Variants in ADAM10 observed in about 807,000 individuals in gnomAD.
ADAM10 encodes disintegrin and metalloproteinase domain-containing protein 10.
ADAM10 carries 17 observed loss-of-function variants against 90.1 expected under a neutral mutation model. The ratio of observed to expected loss-of-function variants is 0.19; its 90% CI spans 0.13 to 0.28. The LOEUF (loss-of-function observed/expected upper bound fraction) is 0.28. ADAM10 is among the 10% of genes least tolerant of loss of function. The probability of loss-of-function intolerance (pLI) is 1.00; values close to 1 mark genes in which losing one functional copy is unlikely to be tolerated. For synonymous variants in ADAM10, 310 were observed against 298.6 expected (o/e 1.04, Z -0.40); for missense variants, 610 against 914.3 (o/e 0.67, Z 4.29).
chr15:58,713,230 T>C (rs1469766989), intron 2 of ADAM10, among the ~76,000 whole-genome samples: 6 of 151,964 alleles, frequency 3.9e-5, no homozygotes, highest in Non-Finnish European at 8.8e-5. Context: ...GCCTCCCAAG[T>C]AGCTGGGACT....
At chr15:58,705,946 A>G (rs1467586015) in intron 2 of ADAM10, among the ~76,000 whole-genome samples, 1 of 152,168 alleles carries the variant, frequency 6.6e-6, no homozygotes, top group Non-Finnish European at 1.5e-5. Context: ...GACCTTTATC[A>G]TAGGTATTTA....
intron 14 of ADAM10, among the ~76,000 whole-genome samples, chr15:58,601,397 G>A (rs956699599): frequency 2.0e-5 from 3 of 152,050 alleles, no homozygotes; most frequent in African/African-American, 7.2e-5. Flanking sequence ...GGAGGCAGAG[G>A]TTACAGTGAG....
chr15:58,606,823 C>T (rs1156345764), intron 14 of ADAM10, among the ~76,000 whole-genome samples: 2 of 152,190 alleles, frequency 1.3e-5, no homozygotes, highest in African/African-American at 2.4e-5. Flanking sequence ...CTCAGGCCTA[C>T]ACTTTGAGAT....
chr15:58,726,776 G>T (rs1333512271), intron 1 of ADAM10, among the ~76,000 whole-genome samples: 3 of 151,350 alleles, frequency 2.0e-5, no homozygotes, highest in Non-Finnish European at 4.4e-5. Context: ...GAGGTGGGAG[G>T]ACTGCTTGAG....
At chr15:58,717,867 A>G in intron 1 of ADAM10, 140 bp from the exon 2 acceptor site, 1 of 1,255,788 alleles carries the variant, frequency 8.0e-7, no homozygotes, top group South Asian at 1.5e-5. Flanking sequence ...CTGCATTAAT[A>G]TTAACACATA....
At chr15:58,700,217 T>A (rs187028988) in intron 2 of ADAM10, among the ~76,000 whole-genome samples, 1 of 152,326 alleles carries the variant, frequency 6.6e-6, no homozygotes, top group Admixed American at 6.5e-5. Flanking sequence ...ATCATTGGAT[T>A]TAAACTGCAC....
chr15:58,601,126 T>TA (rs1223267006), intron 14 of ADAM10, among the ~76,000 whole-genome samples: 1 of 152,116 alleles, frequency 6.6e-6, no homozygotes, highest in East Asian at 1.9e-4. Context: ...GTCTCAAACT[T>TA]AAAGAAAAGT....
intron 4 of ADAM10, among the ~76,000 whole-genome samples, chr15:58,670,931 C>T (rs1004396323): frequency 1.3e-5 from 2 of 152,108 alleles, no homozygotes; most frequent in African/African-American, 4.8e-5. Context: ...TGATCTAACA[C>T]CCTCATTTTA....
chr15:58,668,392 C>T (rs1212351174), intron 4 of ADAM10, among the ~76,000 whole-genome samples: 1 of 152,154 alleles, frequency 6.6e-6, no homozygotes, highest in Non-Finnish European at 1.5e-5. Context: ...GACTATACAG[C>T]TATACACAGG....
intron 7 of ADAM10, among the ~76,000 whole-genome samples, chr15:58,641,793 T>TA (rs1239139551): frequency 1.3e-5 from 2 of 152,156 alleles, no homozygotes; most frequent in African/African-American, 4.8e-5. Context: ...AATATGAAAG[T>TA]AAATGTTTTT....
Position 58,692,412 on chromosome 15 carries a change from A to C in ADAM10, c.207-10098T>G, listed in dbSNP as rs145975758. 76 of 565,216 alleles carry C rather than the reference A, an allele frequency of 1.3e-4. No individual in the cohort carries two copies. In the East Asian group the frequency reaches 2.3e-3, roughly 17 times the overall value. 35.0% of individuals were successfully genotyped at this position (565,216 alleles called of 1,614,324 possible). A position where few individuals can be genotyped will look rare whatever the true frequency, so the allele number is the denominator to read the frequency against. On this transcript the variant is annotated intron_variant, in intron 2 of 15. Coordinates refer to ENST00000260408, the MANE Select transcript of ADAM10 (RefSeq NM_001110.4). ...CCTTGATCTTCTTTGTTTTCTTCTT[A>C]TTATTCTTATCAGTGTCATCCTCCT...
intron 4 of ADAM10, 114 bp from the exon 5 acceptor site, chr15:58,665,311 T>A: frequency 1.2e-6 from 1 of 858,326 alleles, no homozygotes; most frequent in Non-Finnish European, 2.0e-6. Context: ...CATAAATGCT[T>A]ATTAAGCACC....
At chr15:58,689,440 C>G (rs1302814155) in intron 2 of ADAM10, among the ~76,000 whole-genome samples, 1 of 152,156 alleles carries the variant, frequency 6.6e-6, no homozygotes, top group Non-Finnish European at 1.5e-5. Flanking sequence ...GAGCTGAGAT[C>G]ATGCCACTGC....
chr15:58,600,270 G>A (rs1181169367), intron 14 of ADAM10, among the ~76,000 whole-genome samples: 4 of 152,066 alleles, frequency 2.6e-5, no homozygotes, highest in Non-Finnish European at 5.9e-5. Flanking sequence ...TTTTGATTGC[G>A]TTTATACTTT....
In ADAM10 at chr15:58,692,655, G is replaced by C. The variant is rs770284728; in HGVS notation, c.207-10341C>G. On this transcript the variant is annotated intron_variant, in intron 2 of 15. Transcript: ENST00000260408. ...CTGTCTGATCTTCTTTAAGGTGAAGGATCACTTTGGTATCCCTGTCAATGG... is the reference window on the plus strand; with the variant it reads ...CTGTCTGATCTTCTTTAAGGTGAAGCATCACTTTGGTATCCCTGTCAATGG... The C allele has an allele frequency of 5.4e-6, 3 of 559,966 alleles. No individual in the cohort carries two copies. The African/African-American group carries it at 5.7e-5, about 11-fold the overall frequency. The allele number at this position is 559,966 out of a possible 1,614,324, so 34.7% of individuals were successfully genotyped here. A position where few individuals can be genotyped will look rare whatever the true frequency, so the allele number is the denominator to read the frequency against.
At chr15:58,680,059 G>A (rs938978880) in intron 3 of ADAM10, among the ~76,000 whole-genome samples, 14 of 152,076 alleles carry the variant, frequency 9.2e-5, no homozygotes, top group African/African-American at 1.4e-4. Flanking sequence ...TTTTCCATCC[G>A]ATATATTGTG....
chr15:58,613,447 G>C (rs1156573442), intron 11 of ADAM10, among the ~76,000 whole-genome samples: 3 of 151,808 alleles, frequency 2.0e-5, no homozygotes, highest in Non-Finnish European at 4.4e-5. Flanking sequence ...TAACTCTCTA[G>C]CAACAGGTCC....
At chr15:58,610,739 A>T in intron 13 of ADAM10, 3 of 649,150 alleles carry the variant, frequency 4.6e-6, no homozygotes, top group Non-Finnish European at 8.2e-6. Context: ...AGTGTCCACG[A>T]TGACTTAAAG....
chr15:58,712,167 T>C lies in ADAM10; in HGVS notation c.206+5410A>G, dbSNP rs141205733. Among the ~76,000 whole-genome samples, 1,516 of 152,234 alleles carry C rather than the reference T, an allele frequency of 1.0e-2. 24 individuals are homozygous for C. The highest frequency in any genetic ancestry group is 0.034 in the African/African-American group (1,428 of 41,536). On this transcript the variant is annotated intron_variant, in intron 2 of 15. Coordinates refer to ENST00000260408, the MANE Select transcript of ADAM10 (RefSeq NM_001110.4). ...TACAGAGATATTCCAACATGTTATATAGAATCAAAACATAAACAATATTAA... is the reference window on the plus strand; with the variant it reads ...TACAGAGATATTCCAACATGTTATACAGAATCAAAACATAAACAATATTAA...
Sources: gnomAD v4.1 joint callset for allele counts (sites outside exome capture counted in the v4.1 genomes callset) on GRCh38, gnomAD v4.1.1 for gene constraint, MANE v1.5 for transcripts, NCBI Gene and HGNC (gene_info 2026-07-23, HGNC 2026-07-21) for gene names.